The following DNAH10 variants were observed in gnomAD, a reference collection of about 807,000 sequenced individuals.
The protein encoded by DNAH10 is axonemal beta dynein heavy chain 10.
DNAH10 carries 348 observed loss-of-function variants against 506.6 expected under a neutral mutation model. The ratio of observed to expected loss-of-function variants is 0.69; its 90% confidence interval spans 0.63 to 0.75. The LOEUF is 0.75. Among genes scored for constraint, DNAH10 ranks in the 30% least tolerant of loss-of-function variants. The pLI is 0.00. For synonymous variants in DNAH10, 2,059 were observed against 2,198.6 expected (o/e 0.94, Z 1.78); for missense variants, 5,179 against 5,787.1 (o/e 0.89, Z 3.41).
Position 123,762,555 on chromosome 12 carries a change from G to A in DNAH10, c.214+5G>A, listed in dbSNP as rs779880841. The A allele has an allele frequency of 3.2e-6, 5 of 1,549,018 alleles. No homozygotes were observed. Among genetic ancestry groups the A allele is most frequent in the South Asian group, 1.2e-5 (1 of 83,214 alleles). ...AGGAGGTGGAGGTGGAGATTGGTGA[G>A]CCTCGACGCGCCGCTCCCTTCCCCG... On this transcript the variant is annotated splice_donor_5th_base_variant and intron_variant, in intron 1 of 78. Transcript: ENST00000673944. This position sits in a 1 kb window ranked among gnomAD's most constrained non-coding sequence, Gnocchi z 5.0.
chr12:123,764,510 A>ACCCT (rs1956945182), intron 1 of DNAH10, among the ~76,000 whole-genome samples: 1 of 151,906 alleles, frequency 6.6e-6, no homozygotes, highest in African/African-American at 2.4e-5. Context: ...AAATTACAAG[A>ACCCT]CCCTAAAACA....
intron 16 of DNAH10, among the ~76,000 whole-genome samples, chr12:123,802,312 G>A (rs553793449): frequency 1.5e-4 from 23 of 152,182 alleles, no homozygotes; most frequent in Non-Finnish European, 2.8e-4. Flanking sequence ...GGTTGTTGTT[G>A]TTGTTGTTTT....
chr12:123,847,991 G>C lies in DNAH10; in HGVS notation c.5845G>C (p.Ala1949Pro). The C allele has an allele frequency of 6.2e-7, 1 of 1,613,462 alleles. No homozygotes were observed. The highest frequency in any genetic ancestry group is 8.5e-7 in the Non-Finnish European group (1 of 1,179,640). The change falls in exon 33 of 79, where the codon GCC (alanine) becomes CCC (proline). Residue 1949 changes from alanine (A) to proline (P), a missense_variant. Physicochemically the swap from Ala to Pro is conservative, Grantham distance 27. Coordinates refer to ENST00000673944, the MANE Select transcript of DNAH10 (RefSeq NM_001372106.1). ...GTCCATGTATCTAGGTGGGGCCCCC[G>C]CCGGCCCAGCAGGAACCGGCAAAAC... ...ALSMYLGGAP[A>P]GPAGTGKTET...
intron 1 of DNAH10, among the ~76,000 whole-genome samples, chr12:123,764,163 G>C (rs1956933948): frequency 6.6e-6 from 1 of 152,164 alleles, no homozygotes; most frequent in Non-Finnish European, 1.5e-5. Context: ...ATCGCGCTTG[G>C]CCACCTTCAT....
chr12:123,867,581 C>G lies in DNAH10; in HGVS notation c.7282C>G (p.Pro2428Ala). The change falls in exon 42 of 79, where the codon CCT (proline) becomes GCT (alanine). Residue 2428 changes from proline (P) to alanine (A), a missense_variant. Pro to Ala is a conservative substitution (Grantham distance 27). Coordinates refer to ENST00000673944, the MANE Select transcript of DNAH10 (RefSeq NM_001372106.1). ...RQAEKLKTIV[P>A]QTDLNMVTQL... Reference sequence around the variant, plus strand: ...AGCAGAAAAGCTGAAGACAATAGTTCCTCAGACAGACCTCAATATGGTAAG... The same window carrying G: ...AGCAGAAAAGCTGAAGACAATAGTTGCTCAGACAGACCTCAATATGGTAAG... 6.2e-7 allele frequency: 1 copy of G among 1,613,892 alleles called. No homozygotes were observed. The highest frequency in any genetic ancestry group is 8.5e-7 in the Non-Finnish European group (1 of 1,179,888).
Position 123,853,845 on chromosome 12 carries a change from C to T in DNAH10, c.6438+493C>T, listed in dbSNP as rs185408625. Among the ~76,000 whole-genome samples the T allele has an allele frequency of 1.9e-4, 27 of 141,408 alleles. No homozygotes were observed. Among genetic ancestry groups the T allele is most frequent in the Admixed American group, 3.6e-4 (5 of 13,918 alleles). 92.8% of individuals were successfully genotyped at this position (141,408 alleles called of 152,430 possible). ...ACGCACGCACACACACGCACACGCA[C>T]GGACACACGCACGCGCACACACACA... On this transcript the variant is annotated intron_variant, in intron 36 of 78. Coordinates refer to ENST00000673944, the MANE Select transcript of DNAH10 (RefSeq NM_001372106.1). This position sits in a 1 kb window ranked among gnomAD's most constrained non-coding sequence, Gnocchi z 4.7.
Position 123,915,031 on chromosome 12 carries a change from C to G in DNAH10, c.10722+32C>G, listed in dbSNP as rs542003847. The stretch of plus-strand genomic sequence containing the variant: ...TGGCTCCTCCCAGGGCGTCTTCTGC[C>G]CCCTATTCCTGTTCTCTGGAGAATG... On this transcript the variant is annotated intron_variant, in intron 62 of 78. Coordinates refer to ENST00000673944, the MANE Select transcript of DNAH10 (RefSeq NM_001372106.1). 13 of 1,577,866 alleles carry G rather than the reference C, an allele frequency of 8.2e-6. No homozygotes were observed. The Admixed American group carries it at 2.3e-4, about 28-fold the overall frequency.
At chr12:123,867,282 A>G (rs1393347257) in intron 41 of DNAH10, among the ~76,000 whole-genome samples, 185 bp from the exon 42 acceptor site, 1 of 152,170 alleles carries the variant, frequency 6.6e-6, no homozygotes, top group East Asian at 1.9e-4. Flanking sequence ...ATGAGATGAA[A>G]GCATATTGCA....
At position 123,771,651 on chromosome 12, in the gene DNAH10, G is replaced by C; in HGVS notation, c.349G>C (p.Glu117Gln). The C allele has an allele frequency of 1.9e-6, 3 of 1,613,620 alleles. No homozygotes were observed. The highest frequency in any genetic ancestry group is 2.5e-6 in the Non-Finnish European group (3 of 1,179,764). ...ATCTCTAGGCCAACCTCTAAACAGA[G>C]AGGATGAAGAAATGGACAAAGAGAT... Reference protein sequence around the residue: ...TESLGQPLNREDEEMDKEISE... With the variant: ...TESLGQPLNRQDEEMDKEISE... Residue 117 changes from glutamate (E) to glutamine (Q), a missense_variant, in exon 3 of 79, where the codon GAG (glutamate) becomes CAG (glutamine). By Grantham distance (29) the Glu-to-Gln change is conservative. Around this residue, in one of 3 missense-constraint regions of DNAH10, gnomAD observed 326 missense variants for 330.8 expected, o/e 0.99. Coordinates refer to ENST00000673944, the MANE Select transcript of DNAH10 (RefSeq NM_001372106.1).
rs745566618 is a variant in DNAH10 at position 123,868,016 on chromosome 12, G to A, written c.7416G>A (p.Leu2472=). 30 of 1,613,806 alleles carry A rather than the reference G, an allele frequency of 1.9e-5. No individual in the cohort carries two copies. The Admixed American group carries it at 3.7e-4, about 20-fold the overall frequency. Residue 2472 remains leucine, a synonymous_variant, in exon 43 of 79, where the codon CTG becomes CTA. Coordinates refer to ENST00000673944, the MANE Select transcript of DNAH10 (RefSeq NM_001372106.1). The part of the protein sequence containing the change: ...EALYCSLGAS[L]LEDGRMKFDE... ...TGTACTGCTCTCTGGGAGCCTCCCT[G>A]CTTGAGGATGGAAGGATGAAATTTG...
chr12:123,811,622 T>C (rs990872712), intron 19 of DNAH10, among the ~76,000 whole-genome samples: 1 of 152,152 alleles, frequency 6.6e-6, no homozygotes, highest in Non-Finnish European at 1.5e-5. Context: ...TGCCTCAGCC[T>C]CCCGAGTAGC....
chr12:123,910,750 G>A (rs965623272), intron 59 of DNAH10, 78 bp downstream of exon 59: 14 of 1,527,110 alleles, frequency 9.2e-6, no homozygotes, highest in Admixed American at 4.3e-5. Context: ...ACATACCTTT[G>A]CTGAAAAACT....
At chr12:123,792,451 C>CTTTTTTTTT (rs78654407) in intron 11 of DNAH10, among the ~76,000 whole-genome samples, 2 of 133,466 alleles carry the variant, frequency 1.5e-5, no homozygotes, top group Non-Finnish European at 3.1e-5. Flanking sequence ...TTCCTTTGTC[C>CTTTTTTTTT]TTTTTTTTTT....
chr12:123,809,064 C>A, intron 19 of DNAH10, 111 bp downstream of exon 19: 1 of 1,300,626 alleles, frequency 7.7e-7, no homozygotes, highest in Non-Finnish European at 1.1e-6. Context: ...GAATTCTTGA[C>A]CTTCTGCCTT....
chr12:123,813,414 A>G lies in DNAH10; in HGVS notation c.3395A>G (p.Lys1132Arg). Reference protein sequence around the residue: ...KAIVMEKFAAKKPPCVAYDEK... With the variant: ...KAIVMEKFAARKPPCVAYDEK... ...ATTGTGATGGAGAAATTTGCTGCCA[A>G]GAAACCTCCTTGTGTAGCATATGAT... is the stretch of plus-strand genomic sequence containing the variant. Residue 1132 changes from lysine to arginine, a missense_variant, in exon 20 of 79, where the codon AAG becomes AGG. By Grantham distance (26) the Lys-to-Arg change is conservative. This residue lies in a region of DNAH10 where 4,844 missense variants were observed against 5,430.5 expected (regional missense o/e 0.89). Coordinates refer to ENST00000673944, the MANE Select transcript of DNAH10 (RefSeq NM_001372106.1). 6.2e-7 allele frequency: 1 copy of G among 1,614,256 alleles called. No homozygotes were observed. The highest frequency in any genetic ancestry group is 8.5e-7 in the Non-Finnish European group (1 of 1,180,034).
At position 123,887,145 on chromosome 12, in the gene DNAH10, T is replaced by A. The variant is rs1200226483; in HGVS notation, c.8827T>A (p.Phe2943Ile). Residue 2943 changes from phenylalanine (F) to isoleucine (I), a missense_variant, in exon 52 of 79, where the codon TTT (phenylalanine) becomes ATT (isoleucine). Phe to Ile is a conservative substitution (Grantham distance 21). Coordinates refer to ENST00000673944, the MANE Select transcript of DNAH10 (RefSeq NM_001372106.1). Reference protein sequence around the residue: ...LAAFTASCEVFEILLSRGYSE... With the variant: ...LAAFTASCEVIEILLSRGYSE... ...GTGCTCTGTGTCTGCATCGCAGGTG[T>A]TTGAGATCCTGCTGAGCCGAGGCTA... The A allele has an allele frequency of 6.2e-7, 1 of 1,605,066 alleles. No homozygotes were observed. Among genetic ancestry groups the A allele is most frequent in the Non-Finnish European group, 8.5e-7 (1 of 1,175,826 alleles).
intron 16 of DNAH10, 26 bp from the exon 17 acceptor site, chr12:123,803,635 G>GTCTT (rs760324958): frequency 6.4e-5 from 97 of 1,506,492 alleles, no homozygotes; most frequent in Middle Eastern, 3.4e-4. Context: ...GAAGCCAAAT[G>GTCTT]TCTTTCTTTC....
intron 10 of DNAH10, among the ~76,000 whole-genome samples, 174 bp downstream of exon 10, chr12:123,788,176 ACAC>A (rs1957937197): frequency 6.6e-6 from 1 of 152,246 alleles, no homozygotes. Flanking sequence ...GGACCAGAGT[ACAC>A]CAGAGCTTTG....
rs939505010 is a variant in DNAH10 at position 123,850,152 on chromosome 12, C to T, written c.6103-736C>T. Among the ~76,000 whole-genome samples, 1 of 150,572 alleles carries T rather than the reference C, an allele frequency of 6.6e-6. No homozygotes were observed. The highest frequency in any genetic ancestry group is 2.5e-5 in the African/African-American group (1 of 40,528). ...CTGGCTGTCTTCCGGGCTGCCCTCTCGTTGGTGATGCAGACTGTGCCTCCT... is the reference window on the plus strand; with the variant it reads ...CTGGCTGTCTTCCGGGCTGCCCTCTTGTTGGTGATGCAGACTGTGCCTCCT... On this transcript the variant is annotated intron_variant, in intron 34 of 78. Coordinates refer to ENST00000673944, the MANE Select transcript of DNAH10 (RefSeq NM_001372106.1). This position sits in a 1 kb window ranked among gnomAD's most constrained non-coding sequence, Gnocchi z 5.5.
Sources: gnomAD v4.1 joint callset for allele counts (sites outside exome capture counted in the v4.1 genomes callset) on GRCh38, gnomAD v4.1.1 for gene constraint, gnomAD v4.1.1 regional missense constraint, Gnocchi (gnomAD v3.1) non-coding constraint, MANE v1.5 for transcripts, NCBI Gene and HGNC (gene_info 2026-07-23, HGNC 2026-07-21) for gene names.